Variants in XKR4 observed in about 807,000 individuals in gnomAD.
The protein encoded by XKR4 is XK-related protein 4.
A neutral mutation model predicts 53.9 loss-of-function variants in XKR4; 12 were observed. That is an observed-to-expected ratio of 0.22 (90% CI 0.14 to 0.36). The LOEUF is 0.36. Among genes scored for constraint, XKR4 ranks in the 10% least tolerant of loss-of-function variants. The pLI is 1.00. For synonymous variants in XKR4, 354 were observed against 362.4 expected, an observed-to-expected ratio of 0.98 and a Z score of 0.26; for missense variants, 799 against 859.5, an observed-to-expected ratio of 0.93 and a Z score of 0.88.
rs1166093650 is a variant in XKR4 at position 55,102,186 on chromosome 8, G to C, written c.-303G>C. On this transcript the variant is annotated 5_prime_UTR_variant, in exon 1 of 3. Coordinates refer to ENST00000327381, the MANE Select transcript of XKR4 (RefSeq NM_052898.2). This position sits in a 1 kb window ranked among gnomAD's most constrained non-coding sequence, Gnocchi z 5.1. ...CGGCTCGGGCGGCAGCAGCGAAGCC[G>C]GGACGGCGAGGAGCGCGGGCGGCGG... is the stretch of plus-strand genomic sequence containing the variant. Among the ~76,000 whole-genome samples, 2 of 146,964 alleles carry C rather than the reference G, an allele frequency of 1.4e-5. No homozygotes were observed. The highest frequency in any genetic ancestry group is 3.0e-5 in the Non-Finnish European group (2 of 66,076).
At chr8:55,470,817 A>G (rs1458641739) in intron 2 of XKR4, among the ~76,000 whole-genome samples, 1 of 152,124 alleles carries the variant, frequency 6.6e-6, no homozygotes, top group African/African-American at 2.4e-5. Context: ...TTACTTTGAC[A>G]GACAAGGAAA....
chr8:55,338,075 GA>G (rs1206571207), intron 1 of XKR4, among the ~76,000 whole-genome samples: 1 of 152,008 alleles, frequency 6.6e-6, no homozygotes, highest in East Asian at 1.9e-4. Flanking sequence ...TGAACAATAA[GA>G]AAAAAATGTA....
intron 1 of XKR4, among the ~76,000 whole-genome samples, chr8:55,147,246 G>GA (rs1037242695): frequency 3.9e-5 from 6 of 151,912 alleles, no homozygotes; most frequent in East Asian, 3.9e-4. Context: ...GCTTTACTTA[G>GA]AAAAAAAATA....
chr8:55,131,419 C>T (rs1816552587), intron 1 of XKR4, among the ~76,000 whole-genome samples: 1 of 152,192 alleles, frequency 6.6e-6, no homozygotes. Context: ...GAAGTGGAAA[C>T]ATTTCTATGA....
rs563897066 is a variant in XKR4 at position 55,141,402 on chromosome 8, TCTC to T, written c.806+38112_806+38114del. Among the ~76,000 whole-genome samples, 331 of 152,078 alleles carry T rather than the reference TCTC, an allele frequency of 2.2e-3. 2 individuals carry two copies. The highest frequency in any genetic ancestry group is 2.0e-3 in the Non-Finnish European group (136 of 67,972). ...TGGGCCACAGTGGGGAGGTCGGATT[TCTC>T]CTCTGCCCTCCTCCTCCTCACCTTC... On this transcript the variant is annotated intron_variant, in intron 1 of 2. Transcript: ENST00000327381.
intron 2 of XKR4, among the ~76,000 whole-genome samples, chr8:55,387,620 G>A (rs565774124): frequency 2.6e-5 from 4 of 152,290 alleles, no homozygotes; most frequent in African/African-American, 9.6e-5. Context: ...TCCCCAGAAG[G>A]ACATAGACCT....
chr8:55,453,459 C>G (rs1805493526), intron 2 of XKR4: 1 of 400,202 alleles, frequency 2.5e-6, no homozygotes, highest in African/African-American at 2.1e-5. Context: ...ATCTTCCCCT[C>G]AAACACGTGG....
At chr8:55,238,404 G>A (rs1369247513) in intron 1 of XKR4, among the ~76,000 whole-genome samples, 1 of 152,190 alleles carries the variant, frequency 6.6e-6, no homozygotes, top group African/African-American at 2.4e-5. Flanking sequence ...CTGAGGAGGA[G>A]GAGGAAAAGG....
At chr8:55,441,251 T>TA (rs11296297) in intron 2 of XKR4, among the ~76,000 whole-genome samples, 2 of 151,040 alleles carry the variant, frequency 1.3e-5, no homozygotes, top group Non-Finnish European at 3.0e-5. Context: ...AGAAAAAACA[T>TA]AAAAAAATAA....
chr8:55,199,967 G>T (rs577779913), intron 1 of XKR4, among the ~76,000 whole-genome samples: 1 of 152,280 alleles, frequency 6.6e-6, no homozygotes. Context: ...GCAAGGTGTA[G>T]AACCTTGTAG....
chr8:55,138,201 C>G (rs992392000), intron 1 of XKR4, among the ~76,000 whole-genome samples: 1 of 152,036 alleles, frequency 6.6e-6, no homozygotes, highest in East Asian at 1.9e-4. Flanking sequence ...ACCAGTTACT[C>G]CTTTATTGAT....
intron 2 of XKR4, among the ~76,000 whole-genome samples, chr8:55,376,044 A>G (rs1314017401): frequency 6.6e-6 from 1 of 152,140 alleles, no homozygotes; most frequent in African/African-American, 2.4e-5. Context: ...CCATGACCCT[A>G]CAAAGGACAC....
chr8:55,364,521 A>G (rs1444894714), intron 2 of XKR4, among the ~76,000 whole-genome samples: 1 of 152,150 alleles, frequency 6.6e-6, no homozygotes, highest in Non-Finnish European at 1.5e-5. Context: ...TCTGAAGTTG[A>G]GCTATGCATT....
intron 2 of XKR4, among the ~76,000 whole-genome samples, chr8:55,509,614 G>A (rs1806594654): frequency 1.3e-5 from 2 of 152,190 alleles, no homozygotes; most frequent in African/African-American, 4.8e-5. Context: ...AAATATGGAA[G>A]TAATTTACAT....
At position 55,249,305 on chromosome 8, in the gene XKR4, G is replaced by A. The variant is rs528500973; in HGVS notation, c.807-108373G>A. Among the ~76,000 whole-genome samples, 122 of 152,318 alleles carry A rather than the reference G, an allele frequency of 8.0e-4. 2 individuals are homozygous for A. The South Asian group carries it at 8.5e-3, about 11-fold the overall frequency. On this transcript the variant is annotated intron_variant, in intron 1 of 2. Transcript: ENST00000327381. ...CTCGCCCTCTGCTCCTTTTGCTGGAGCCACCTGGGGTTTATGTCTTCTCTT... is the reference window on the plus strand; with the variant it reads ...CTCGCCCTCTGCTCCTTTTGCTGGAACCACCTGGGGTTTATGTCTTCTCTT...
At chr8:55,104,478 G>A (rs1396635128) in intron 1 of XKR4, among the ~76,000 whole-genome samples, 6 of 152,096 alleles carry the variant, frequency 3.9e-5, no homozygotes, top group African/African-American at 9.7e-5. Context: ...GTGAGTTCTT[G>A]ACTATGCCGA....
chr8:55,167,651 G>A (rs767246695), intron 1 of XKR4, among the ~76,000 whole-genome samples: 21 of 152,170 alleles, frequency 1.4e-4, no homozygotes, highest in Non-Finnish European at 2.6e-4. Context: ...GTTTATCTGA[G>A]ACAGAAATTA....
At chr8:55,400,772 A>C (rs892283333) in intron 2 of XKR4, among the ~76,000 whole-genome samples, 8 of 152,182 alleles carry the variant, frequency 5.3e-5, no homozygotes, top group African/African-American at 1.9e-4. Flanking sequence ...ACTGCTTCCA[A>C]AATCTGGGGT....
At chr8:55,409,763 C>T (rs976941717) in intron 2 of XKR4, among the ~76,000 whole-genome samples, 1 of 152,026 alleles carries the variant, frequency 6.6e-6, no homozygotes, top group Non-Finnish European at 1.5e-5. Context: ...ATCTATGGCC[C>T]TAGGATCTCT....
Sources: gnomAD v4.1 joint callset for allele counts (sites outside exome capture counted in the v4.1 genomes callset) on GRCh38, gnomAD v4.1.1 for gene constraint, Gnocchi (gnomAD v3.1) non-coding constraint, MANE v1.5 for transcripts, NCBI Gene and HGNC (gene_info 2026-07-23, HGNC 2026-07-21) for gene names.